Variants in GSDME observed in about 807,000 individuals in gnomAD.
GSDME encodes the protein gasdermin E.
GSDME carries 44 observed loss-of-function variants against 47.5 expected under a neutral mutation model. That is an observed-to-expected ratio of 0.93 (90% CI 0.73 to 1.19). The LOEUF is 1.19. Ranked by LOEUF, GSDME falls within the 50% of genes most tolerant of loss-of-function variation. The pLI is 0.00. For missense variants in GSDME, 663 were observed against 604.2 expected (o/e 1.10, Z -1.02); for synonymous variants, 258 against 252.8 (o/e 1.02, Z -0.20).
chr7:24,756,934 C>T lies in GSDME; in HGVS notation c.-20+462G>A, dbSNP rs1474759449. ...GAGAGACTGAACTCCGTATCTGTTC[C>T]GCGGTCCGCCTCCCTGCACACACGC... On this transcript the variant is annotated intron_variant, in intron 1 of 9. Transcript: ENST00000645220. This position sits in a 1 kb window ranked among gnomAD's most constrained non-coding sequence, Gnocchi z 4.2. Among the ~76,000 whole-genome samples the T allele has an allele frequency of 1.3e-5, 2 of 152,054 alleles. No homozygotes were observed. The highest frequency in any genetic ancestry group is 2.4e-5 in the African/African-American group (1 of 41,406).
At chr7:24,759,602 T>C (rs891513647), upstream of GSDME, among the ~76,000 whole-genome samples, 1 of 152,228 alleles carries the variant, frequency 6.6e-6, no homozygotes, top group African/African-American at 2.4e-5. Flanking sequence ...CAAACTGGAA[T>C]GCTCATACAA....
chr7:24,729,687 A>AT (rs1339118906), intron 3 of GSDME, among the ~76,000 whole-genome samples: 1 of 152,208 alleles, frequency 6.6e-6, no homozygotes, highest in Non-Finnish European at 1.5e-5. Context: ...TGGAGTATTA[A>AT]TCCCAGGAAC....
chr7:24,737,957 C>T (rs1046497020), intron 3 of GSDME, among the ~76,000 whole-genome samples: 1 of 151,748 alleles, frequency 6.6e-6, no homozygotes, highest in African/African-American at 2.4e-5. Context: ...TAAAAAACTG[C>T]ACATAGAAGG....
At chr7:24,704,254 T>C (rs1350794815) in intron 8 of GSDME, 1 of 152,232 alleles carries the variant, frequency 6.6e-6, no homozygotes, top group African/African-American at 2.4e-5. Context: ...AATTCTATTT[T>C]ACAAATAGAG....
In GSDME at chr7:24,706,258, C is replaced by T. The variant is rs758387327; in HGVS notation, c.1109G>A (p.Gly370Glu). 6.2e-7 allele frequency: 1 copy of T among 1,614,238 alleles called. No homozygotes were observed. The highest frequency in any genetic ancestry group is 1.7e-5 in the Admixed American group (1 of 60,030). ...GCCTGCATCCTCGGGGCCCGGACAC[C>T]CACCCTGTAAGCTGCACCCCACCAG... ...LQLVGCSLQG[G>E]CPGPEDAGSK... is the part of the protein sequence containing the mutation. The change falls in exon 8 of 10, where the codon GGG becomes GAG. Residue 370 changes from glycine (G) to glutamate (E), a missense_variant. Gly to Glu is a moderately conservative substitution (Grantham distance 98, BLOSUM62 -2). Transcript: ENST00000645220.
In GSDME at chr7:24,756,656, T is replaced by C. The variant is rs916039397; in HGVS notation, c.-20+740A>G. ...ACAGAGTAGACTCTGGAGGAGTGGG[T>C]GGTCGGTGTGTTCAGTCCACAACCA... On this transcript the variant is annotated intron_variant, in intron 1 of 9. Coordinates refer to ENST00000645220, the MANE Select transcript of GSDME (RefSeq NM_001127453.2). This position sits in a 1 kb window ranked among gnomAD's most constrained non-coding sequence, Gnocchi z 4.2. Among the ~76,000 whole-genome samples, 4 of 152,096 alleles carry C rather than the reference T, an allele frequency of 2.6e-5. No individual in the cohort carries two copies. The highest frequency in any genetic ancestry group is 5.9e-5 in the Non-Finnish European group (4 of 68,028).
chr7:24,741,542 A>G (rs1790492236), intron 3 of GSDME, among the ~76,000 whole-genome samples: 1 of 152,204 alleles, frequency 6.6e-6, no homozygotes, highest in African/African-American at 2.4e-5. Flanking sequence ...TTTCAAGGAC[A>G]AAGTTTGTTT....
upstream of GSDME, among the ~76,000 whole-genome samples, chr7:24,758,451 A>C (rs533016401): frequency 1.3e-5 from 2 of 152,284 alleles, no homozygotes; most frequent in Non-Finnish European, 1.5e-5. This position sits in a 1 kb window ranked among gnomAD's most constrained non-coding sequence, Gnocchi z 4.6. Flanking sequence ...TCAGGTTACG[A>C]GCCCATTGCT....
In GSDME at chr7:24,699,185, C is replaced by G; in HGVS notation, c.1332G>C (p.Arg444Ser). Reference protein sequence around the residue: ...PTLTPLKDTERFGIVQRLFAS... With the variant: ...PTLTPLKDTESFGIVQRLFAS... ...CAAACAAGCGCTGCACAATCCCAAA[C>G]CTTTCTGTATCTTTCAGGGGAGTCA... The change falls in exon 10 of 10, where the codon AGG becomes AGC. Residue 444 changes from arginine to serine, a missense_variant. Physicochemically the swap from Arg to Ser is moderately radical, Grantham distance 110 (BLOSUM62 -1). Coordinates refer to ENST00000645220, the MANE Select transcript of GSDME (RefSeq NM_001127453.2). The G allele has an allele frequency of 6.2e-7, 1 of 1,614,198 alleles. No homozygotes were observed. Among genetic ancestry groups the G allele is most frequent in the East Asian group, 2.2e-5 (1 of 44,884 alleles).
chr7:24,792,428 T>C, the GSDME span, among the ~76,000 whole-genome samples: 1 of 152,184 alleles, frequency 6.6e-6, no homozygotes, highest in East Asian at 1.9e-4. Context: ...TAATGCCTAG[T>C]CTGAGAAGAG....
rs550240871 is a variant in GSDME, at chr7:24,736,408, A to T, written c.404+8154T>A. Among the ~76,000 whole-genome samples the T allele has an allele frequency of 6.6e-6, 1 of 152,340 alleles. No individual in the cohort carries two copies. The highest frequency in any genetic ancestry group is 1.5e-5 in the Non-Finnish European group (1 of 68,016). ...AGACAAAATCGATTTCAAGACAAAA[A>T]CTATAAGAAGAGACAAAGAAGGTTA... On this transcript the variant is annotated intron_variant, in intron 3 of 9. Coordinates refer to ENST00000645220, the MANE Select transcript of GSDME (RefSeq NM_001127453.2). The surrounding 1 kb of genome is among the most constrained non-coding windows in gnomAD (Gnocchi z 4.6).
rs1329066455 is a variant in GSDME at position 24,721,925 on chromosome 7, C to T, written c.405-2707G>A. 1.3e-5 allele frequency among the ~76,000 whole-genome samples: 2 copies of T among 152,196 alleles called. No individual in the cohort carries two copies. Among genetic ancestry groups the T allele is most frequent in the African/African-American group, 2.4e-5 (1 of 41,444 alleles). On this transcript the variant is annotated intron_variant, in intron 3 of 9. Transcript: ENST00000645220. The surrounding 1 kb of genome is among the most constrained non-coding windows in gnomAD (Gnocchi z 4.1). Reference sequence around the variant, plus strand: ...GCGTTGGCACACATTCCCTGATGGCCACATTTCACTGACTCATTGGTCACC... The same window carrying T: ...GCGTTGGCACACATTCCCTGATGGCTACATTTCACTGACTCATTGGTCACC...
Position 24,749,823 on chromosome 7 carries a change from A to G in GSDME, c.-19-30T>C. The G allele has an allele frequency of 2.0e-6, 3 of 1,469,044 alleles. No individual in the cohort carries two copies. The African/African-American group carries it at 4.2e-5, about 20-fold the overall frequency. The allele number at this position is 1,469,044 out of a possible 1,614,324, so 91.0% of individuals were successfully genotyped here. ...AAAAGTAAAGTTATCCTAAAATCAA[A>G]TAAGAAGTTACTATTTTGTGGCTTT... On this transcript the variant is annotated intron_variant, in intron 1 of 9. Coordinates refer to ENST00000645220, the MANE Select transcript of GSDME (RefSeq NM_001127453.2).
chr7:24,758,837 C>T (rs1015339327), upstream of GSDME, among the ~76,000 whole-genome samples: 1 of 152,152 alleles, frequency 6.6e-6, no homozygotes, highest in Admixed American at 6.5e-5. This position sits in a 1 kb window ranked among gnomAD's most constrained non-coding sequence, Gnocchi z 4.6. Flanking sequence ...ATGTATTATC[C>T]TCTCCTGTAA....
the GSDME span, among the ~76,000 whole-genome samples, chr7:24,782,766 G>C: frequency 7.8e-4 from 119 of 152,292 alleles, no homozygotes; most frequent in African/African-American, 2.8e-3. Context: ...ATTCTAACTG[G>C]TGTGAGATGG....
the GSDME span, among the ~76,000 whole-genome samples, chr7:24,765,780 G>A: frequency 6.6e-6 from 1 of 151,984 alleles, no homozygotes; most frequent in Non-Finnish European, 1.5e-5. Flanking sequence ...CACATTTTTT[G>A]GATTGCTTAT....
chr7:24,731,993 A>G (rs1271420182), intron 3 of GSDME, among the ~76,000 whole-genome samples: 3 of 152,200 alleles, frequency 2.0e-5, no homozygotes, highest in Non-Finnish European at 4.4e-5. Flanking sequence ...AGACCAGCAT[A>G]AAGAGGTACT....
At chr7:24,766,913 C>G in the GSDME span, among the ~76,000 whole-genome samples, 2 of 152,222 alleles carry the variant, frequency 1.3e-5, no homozygotes, top group Non-Finnish European at 2.9e-5. This position sits in a 1 kb window ranked among gnomAD's most constrained non-coding sequence, Gnocchi z 4.2. Flanking sequence ...AATTTACACT[C>G]CCACCAACAG....
the GSDME span, among the ~76,000 whole-genome samples, chr7:24,789,579 A>G: frequency 4.6e-5 from 7 of 152,236 alleles, no homozygotes; most frequent in African/African-American, 1.7e-4. Flanking sequence ...TGGAATCTAT[A>G]GATAACAGAA....
Sources: allele counts gnomAD v4.1 joint callset (sites outside exome capture counted in the v4.1 genomes callset), GRCh38; gene constraint gnomAD v4.1.1; non-coding constraint Gnocchi (gnomAD v3.1); transcripts MANE v1.5; gene names NCBI Gene and HGNC (gene_info 2026-07-23, HGNC 2026-07-21).